Variants in BNC2 observed in about 807,000 individuals in gnomAD.
The protein encoded by BNC2 is basonuclin zinc finger protein 2, also known as zinc finger protein basonuclin-2.
BNC2 carries 20 observed loss-of-function variants against 76.3 expected under a neutral mutation model. The ratio of observed to expected loss-of-function variants is 0.26; its 90% CI spans 0.18 to 0.38. The LOEUF (loss-of-function observed/expected upper bound fraction) is 0.38. Among genes scored for constraint, BNC2 ranks in the 10% least tolerant of loss-of-function variants. BNC2 has a pLI of 1.00. For synonymous variants in BNC2, 582 were observed against 514.8 expected (o/e 1.13, Z -1.77); for missense variants, 1,382 against 1,399.8 (o/e 0.99, Z 0.20).
chr9:16,542,396 G>A (rs1818351339), intron 5 of BNC2, among the ~76,000 whole-genome samples: 1 of 152,166 alleles, frequency 6.6e-6, no homozygotes, highest in African/African-American at 2.4e-5. Flanking sequence ...AGAAGAAGAT[G>A]GGGGAGGGGA....
At chr9:16,725,217 T>TCACACACACACACACA (rs4007689) in intron 3 of BNC2, among the ~76,000 whole-genome samples, 7 of 148,158 alleles carry the variant, frequency 4.7e-5, no homozygotes, top group African/African-American at 1.8e-4. Context: ...TCTCTCTCTC[T>TCACACACACACACACA]CACACACACA....
intron 3 of BNC2, among the ~76,000 whole-genome samples, chr9:16,719,658 A>AT: frequency 6.6e-6 from 1 of 152,334 alleles, no homozygotes; most frequent in South Asian, 2.1e-4. Flanking sequence ...AGTCTTGTCA[A>AT]TTTTAACAAT....
chr9:16,666,485 G>A (rs751504001), intron 3 of BNC2, among the ~76,000 whole-genome samples: 13 of 152,158 alleles, frequency 8.5e-5, no homozygotes, highest in Non-Finnish European at 1.6e-4. Context: ...AAAAACACAC[G>A]CACAGAAAGG....
At chr9:16,480,459 G>C (rs1822023748) in intron 5 of BNC2, among the ~76,000 whole-genome samples, 1 of 152,340 alleles carries the variant, frequency 6.6e-6, no homozygotes, top group East Asian at 1.9e-4. Context: ...CCCCTTTCTG[G>C]GCTGGCCAAG....
intron 4 of BNC2, among the ~76,000 whole-genome samples, chr9:16,569,037 G>A (rs1457799943): frequency 3.4e-5 from 5 of 146,908 alleles, no homozygotes; most frequent in Non-Finnish European, 7.4e-5. Context: ...AGAAGAAAAC[G>A]AATGGTATTT....
chr9:16,704,341 C>G (rs919693082), intron 3 of BNC2, among the ~76,000 whole-genome samples: 1 of 152,108 alleles, frequency 6.6e-6, no homozygotes, highest in African/African-American at 2.4e-5. Flanking sequence ...TGGGGGCAAT[C>G]TGCAAAATGG....
intron 3 of BNC2, among the ~76,000 whole-genome samples, chr9:16,639,539 T>C (rs187461502): frequency 8.6e-4 from 131 of 152,240 alleles, no homozygotes; most frequent in African/African-American, 3.1e-3. Flanking sequence ...AATTCTCATA[T>C]CAAATTTTTT....
chr9:16,835,790 T>C lies in BNC2; in HGVS notation c.3+34856A>G, dbSNP rs146252994. Among the ~76,000 whole-genome samples the C allele has an allele frequency of 5.3e-5, 8 of 152,332 alleles. No individual in the cohort carries two copies. In the East Asian group the frequency reaches 1.5e-3, roughly 29 times the overall value. On this transcript the variant is annotated intron_variant, in intron 1 of 6. Transcript: ENST00000380672. ...CAGTTCTGGTATCCTATTTTAAATA[T>C]GAGGTTTAACTCTCTTGCCAAGAAA...
At chr9:16,774,724 G>C (rs1825917903) in intron 1 of BNC2, among the ~76,000 whole-genome samples, 1 of 152,198 alleles carries the variant, frequency 6.6e-6, no homozygotes, top group Non-Finnish European at 1.5e-5. Flanking sequence ...AGGGTCCAGA[G>C]AGATCTGGTA....
At chr9:16,502,115 A>C (rs1927630) in intron 5 of BNC2, among the ~76,000 whole-genome samples, 79,752 of 151,840 alleles carry the variant, frequency 0.53, 22,172 homozygotes, top group African/African-American at 0.69. Flanking sequence ...GTAATCCTAG[A>C]TCTTTGGGAA....
intron 1 of BNC2, among the ~76,000 whole-genome samples, chr9:16,753,856 G>C (rs1825294297): frequency 1.2e-5 from 1 of 84,186 alleles, no homozygotes; most frequent in African/African-American, 5.3e-5. Context: ...TGGAGCAGAT[G>C]GGTAGTTACA....
At chr9:16,838,988 G>C (rs935240833) in intron 1 of BNC2, among the ~76,000 whole-genome samples, 1 of 152,180 alleles carries the variant, frequency 6.6e-6, no homozygotes, top group African/African-American at 2.4e-5. Context: ...GAACACACGT[G>C]AAAGAAAACT....
Position 16,471,292 on chromosome 9 carries a change from A to ATT in BNC2, c.670-33770_670-33769dup, listed in dbSNP as rs34169220. 6.6e-4 allele frequency among the ~76,000 whole-genome samples: 88 copies of ATT among 133,746 alleles called. 1 individual carries two copies. The highest frequency in any genetic ancestry group is 3.9e-3 in the Middle Eastern group (1 of 254). The allele number at this position is 133,746 out of a possible 152,430, so 87.7% of individuals were successfully genotyped here. On this transcript the variant is annotated intron_variant, in intron 5 of 6. Transcript: ENST00000380672. ...CTGGGAAGTAACTAGCTTGCTTTTG[A>ATT]TTTTTTTTTTTTTTTTTTTAAGATA...
chr9:16,686,415 G>A (rs914233310), intron 3 of BNC2, among the ~76,000 whole-genome samples: 5 of 151,874 alleles, frequency 3.3e-5, no homozygotes, highest in Non-Finnish European at 5.9e-5. Flanking sequence ...ATTAAACAAG[G>A]TTTTAGATTC....
chr9:16,498,206 C>CATATATATATTCCATCAT (rs1316913964), intron 5 of BNC2, among the ~76,000 whole-genome samples: 6 of 117,646 alleles, frequency 5.1e-5, no homozygotes, highest in Admixed American at 8.0e-5. Flanking sequence ...TATATTCCAT[C>CATATATATATTCCATCAT]ATATATATAT....
At position 16,856,273 on chromosome 9, in the gene BNC2, T is replaced by TCA. The variant is rs1481203776; in HGVS notation, c.3+14372_3+14373insTG. Among the ~76,000 whole-genome samples, 13 of 91,912 alleles carry TCA rather than the reference T, an allele frequency of 1.4e-4. No homozygotes were observed. The East Asian group carries it at 2.5e-3, about 18-fold the overall frequency. 60.3% of individuals were successfully genotyped at this position (91,912 alleles called of 152,430 possible). On this transcript the variant is annotated intron_variant, in intron 1 of 6. Coordinates refer to ENST00000380672, the MANE Select transcript of BNC2 (RefSeq NM_017637.6). ...TATTTCTTCACACACACTCTCTCTCTCTCTCACACACACACACACACACAC... is the reference window on the plus strand; with the variant it reads ...TATTTCTTCACACACACTCTCTCTCTCACTCTCACACACACACACACACACAC...
chr9:16,639,959 TC>T (rs1821443640), intron 3 of BNC2, among the ~76,000 whole-genome samples: 1 of 152,096 alleles, frequency 6.6e-6, no homozygotes, highest in Non-Finnish European at 1.5e-5. Flanking sequence ...TTACATTTTT[TC>T]CCCCATTAGT....
intron 6 of BNC2, among the ~76,000 whole-genome samples, chr9:16,432,128 G>A (rs1179651345): frequency 6.6e-6 from 1 of 152,188 alleles, no homozygotes; most frequent in Non-Finnish European, 1.5e-5. Flanking sequence ...GATTTTGTGT[G>A]TATTAGCTTG....
At chr9:16,601,785 A>G (rs1401369435) in intron 3 of BNC2, among the ~76,000 whole-genome samples, 14 of 152,188 alleles carry the variant, frequency 9.2e-5, no homozygotes, top group Admixed American at 9.2e-4. Flanking sequence ...ACCACTCACT[A>G]ATTTTTCAAT....
Sources: gnomAD v4.1 joint callset for allele counts (sites outside exome capture counted in the v4.1 genomes callset) on GRCh38, gnomAD v4.1.1 for gene constraint, MANE v1.5 for transcripts, NCBI Gene and HGNC (gene_info 2026-07-23, HGNC 2026-07-21) for gene names.